Variants in JAZF1 observed in about 807,000 individuals in gnomAD.
JAZF1 encodes the protein juxtaposed with another zinc finger protein 1.
JAZF1 carries 8 observed loss-of-function variants against 26.4 expected under a neutral mutation model. The ratio of observed to expected loss-of-function variants is 0.30; its 90% CI spans 0.18 to 0.55. The LOEUF is 0.55. JAZF1 is among the 20% of genes least tolerant of loss of function. The probability of loss-of-function intolerance (pLI) is 0.94; values close to 1 mark genes in which losing one functional copy is unlikely to be tolerated. For missense variants in JAZF1, 199 were observed against 322.0 expected, an observed-to-expected ratio of 0.62 and a Z score of 2.92; for synonymous variants, 126 against 122.3, an observed-to-expected ratio of 1.03 and a Z score of -0.20.
At chr7:28,173,570 A>G (rs1341637849) in intron 1 of JAZF1, among the ~76,000 whole-genome samples, 2 of 152,148 alleles carry the variant, frequency 1.3e-5, no homozygotes, top group Non-Finnish European at 2.9e-5. Context: ...TACCAAAGAA[A>G]TGGTGAATTT....
chr7:28,065,752 T>C (rs748342613), intron 1 of JAZF1, among the ~76,000 whole-genome samples: 6 of 152,192 alleles, frequency 3.9e-5, no homozygotes, highest in Non-Finnish European at 7.3e-5. Flanking sequence ...TTGCCAGTTA[T>C]ATGAGTCCTA....
chr7:27,899,032 G>A (rs1784122011), intron 2 of JAZF1, among the ~76,000 whole-genome samples: 2 of 152,122 alleles, frequency 1.3e-5, no homozygotes, highest in South Asian at 2.1e-4. Context: ...AAAAGGGCCC[G>A]TGTCTCCCCT....
At chr7:27,890,751 T>C (rs1267810014) in intron 3 of JAZF1, among the ~76,000 whole-genome samples, 11 of 151,950 alleles carry the variant, frequency 7.2e-5, no homozygotes. Context: ...TACTTGCCTT[T>C]CCCTCTAAGT....
intron 2 of JAZF1, among the ~76,000 whole-genome samples, chr7:27,938,698 G>A (rs962052941): frequency 1.3e-5 from 2 of 152,130 alleles, no homozygotes; most frequent in East Asian, 3.8e-4. Context: ...TTGAGATACG[G>A]TCTGGCTCTG....
intron 3 of JAZF1, among the ~76,000 whole-genome samples, chr7:27,892,006 A>T (rs1301918933): frequency 6.6e-6 from 1 of 152,228 alleles, no homozygotes; most frequent in Non-Finnish European, 1.5e-5. Context: ...ATTACTTCTG[A>T]AGTGGGAATG....
At chr7:28,005,959 G>C (rs1184832465) in intron 1 of JAZF1, among the ~76,000 whole-genome samples, 1 of 151,810 alleles carries the variant, frequency 6.6e-6, no homozygotes, top group African/African-American at 2.4e-5. Context: ...TACTTTCTGT[G>C]TGACTTGAGC....
At chr7:28,007,276 T>G (rs1484156814) in intron 1 of JAZF1, among the ~76,000 whole-genome samples, 3 of 152,214 alleles carry the variant, frequency 2.0e-5, no homozygotes, top group Non-Finnish European at 2.9e-5. Context: ...GAGACCAGTC[T>G]GGCCAACATG....
At chr7:28,003,717 TC>T (rs1430773503) in intron 1 of JAZF1, among the ~76,000 whole-genome samples, 1 of 152,162 alleles carries the variant, frequency 6.6e-6, no homozygotes, top group African/African-American at 2.4e-5. Context: ...AATTTTTTTT[TC>T]TTTAAAGGGC....
intron 1 of JAZF1, among the ~76,000 whole-genome samples, chr7:28,069,734 G>A (rs1783944802): frequency 6.6e-6 from 1 of 152,194 alleles, no homozygotes; most frequent in African/African-American, 2.4e-5. Context: ...TAGCTTTAGA[G>A]TTTGGGGCGC....
At chr7:28,166,547 CTCT>C (rs1330539289) in intron 1 of JAZF1, among the ~76,000 whole-genome samples, 2 of 152,186 alleles carry the variant, frequency 1.3e-5, no homozygotes, top group African/African-American at 4.8e-5. Flanking sequence ...ATAAAATCAT[CTCT>C]TGTTTTTTCC....
intron 2 of JAZF1, among the ~76,000 whole-genome samples, chr7:27,957,052 G>A (rs1323590384): frequency 6.6e-6 from 1 of 152,174 alleles, no homozygotes; most frequent in Non-Finnish European, 1.5e-5. Flanking sequence ...GTTCTGCTCT[G>A]CCCTGAGTCT....
intron 2 of JAZF1, among the ~76,000 whole-genome samples, chr7:27,923,966 G>A (rs1178719390): frequency 6.6e-6 from 1 of 152,214 alleles, no homozygotes; most frequent in Non-Finnish European, 1.5e-5. Context: ...CACAAATTAT[G>A]AGTGGGCCTT....
intron 1 of JAZF1, 35 bp from the exon 2 acceptor site, chr7:27,992,016 T>C: frequency 7.5e-7 from 1 of 1,329,646 alleles, no homozygotes; most frequent in Non-Finnish European, 1.1e-6. Flanking sequence ...TTTTTTTAGA[T>C]TTTGCATCAG....
At chr7:28,063,966 A>G (rs971885394) in intron 1 of JAZF1, among the ~76,000 whole-genome samples, 3 of 152,186 alleles carry the variant, frequency 2.0e-5, no homozygotes, top group African/African-American at 7.2e-5. Context: ...AATGAGTTGC[A>G]TATCATATTG....
At chr7:27,856,089 G>A (rs1381939811) in intron 3 of JAZF1, among the ~76,000 whole-genome samples, 4 of 152,198 alleles carry the variant, frequency 2.6e-5, no homozygotes, top group African/African-American at 4.8e-5. Flanking sequence ...CTGACTTCAA[G>A]AATGAAGCTG....
chr7:27,975,387 G>A (rs931191077), intron 2 of JAZF1, among the ~76,000 whole-genome samples: 13 of 152,114 alleles, frequency 8.5e-5, no homozygotes, highest in African/African-American at 2.9e-4. Flanking sequence ...CCTCCCACCA[G>A]GCTCCACCTC....
intron 2 of JAZF1, among the ~76,000 whole-genome samples, chr7:27,977,173 T>C (rs1451531447): frequency 6.6e-6 from 1 of 152,230 alleles, no homozygotes; most frequent in African/African-American, 2.4e-5. Flanking sequence ...TCATGTTTAG[T>C]AATTTTTCAT....
intron 1 of JAZF1, among the ~76,000 whole-genome samples, chr7:28,070,854 TC>T (rs1234851250): frequency 2.0e-5 from 3 of 152,202 alleles, no homozygotes; most frequent in African/African-American, 7.2e-5. Flanking sequence ...TCATCCAAAA[TC>T]CCCTATTAAA....
chr7:27,870,455 A>C (rs1377419751), intron 3 of JAZF1, among the ~76,000 whole-genome samples: 3 of 152,268 alleles, frequency 2.0e-5, no homozygotes, highest in African/African-American at 7.2e-5. Flanking sequence ...ACAAGTCCCA[A>C]GTATGCCATC....
Sources: allele counts gnomAD v4.1 joint callset (sites outside exome capture counted in the v4.1 genomes callset), GRCh38; gene constraint gnomAD v4.1.1; transcripts MANE v1.5; gene names NCBI Gene and HGNC (gene_info 2026-07-23, HGNC 2026-07-21).